The following CALN1 variants were observed in gnomAD, a reference collection of about 807,000 sequenced individuals.
CALN1 encodes the protein calneuron 1.
Under a neutral mutation model 30.6 loss-of-function variants are expected in CALN1, and 17 were observed. The ratio of observed to expected loss-of-function variants is 0.56; its 90% confidence interval spans 0.38 to 0.83. The LOEUF (loss-of-function observed/expected upper bound fraction) is 0.83, where lower values mean the gene tolerates loss of function less well. CALN1 is among the 40% of genes least tolerant of loss of function. The pLI is 0.00. For synonymous variants in CALN1, 156 were observed against 131.4 expected, an observed-to-expected ratio of 1.19 and a Z score of -1.28; for missense variants, 291 against 354.9, an observed-to-expected ratio of 0.82 and a Z score of 1.45.
intron 2 of CALN1, among the ~76,000 whole-genome samples, chr7:72,304,668 A>T (rs1799527694): frequency 6.6e-6 from 1 of 152,124 alleles, no homozygotes; most frequent in Non-Finnish European, 1.5e-5. Context: ...TTCTTATATT[A>T]CTTTCATTAG....
intron 5 of CALN1, among the ~76,000 whole-genome samples, chr7:71,986,080 G>GCT (rs1798658768): frequency 6.7e-6 from 1 of 150,338 alleles, no homozygotes; most frequent in Non-Finnish European, 1.5e-5. Context: ...ACAGAGTCTT[G>GCT]CTCTGCACCT....
chr7:71,787,549 C>A lies in CALN1; in HGVS notation c.*226G>T, dbSNP rs377124333. ...CCTGGCGATTTATTGCATTAGAAAA[C>A]AAAACCATTAAAGCACTGAAGACAG... On this transcript the variant is annotated 3_prime_UTR_variant, in exon 7 of 7. Coordinates refer to ENST00000395275, the MANE Select transcript of CALN1 (RefSeq NM_031468.4). 1.8e-4 allele frequency: 87 copies of A among 474,104 alleles called. No homozygotes were observed. In the East Asian group the frequency reaches 2.1e-3, roughly 11 times the overall value. The allele number at this position is 474,104 out of a possible 1,614,324, so 29.4% of individuals were successfully genotyped here.
At chr7:72,271,940 T>C (rs866421294) in intron 3 of CALN1, among the ~76,000 whole-genome samples, 1 of 151,160 alleles carries the variant, frequency 6.6e-6, no homozygotes. Flanking sequence ...TGGGCACCTG[T>C]AATCCCAGCT....
At chr7:72,193,784 A>C (rs551228192) in intron 3 of CALN1, among the ~76,000 whole-genome samples, 4 of 152,354 alleles carry the variant, frequency 2.6e-5, no homozygotes, top group Admixed American at 2.6e-4. Context: ...CAGCCATAAA[A>C]AGGAACAAAA....
intron 4 of CALN1, among the ~76,000 whole-genome samples, chr7:72,071,933 A>C (rs1241863784): frequency 6.6e-6 from 1 of 152,222 alleles, no homozygotes; most frequent in Admixed American, 6.5e-5. Flanking sequence ...GAAGGAAAAA[A>C]AGATCAGTGA....
At chr7:72,104,768 C>A (rs1806958209) in intron 4 of CALN1, among the ~76,000 whole-genome samples, 1 of 152,012 alleles carries the variant, frequency 6.6e-6, no homozygotes, top group South Asian at 2.1e-4. Context: ...ACCATCCTGG[C>A]CAACATGGCG....
At chr7:72,411,690 T>C (rs1168256922) in intron 1 of CALN1, among the ~76,000 whole-genome samples, 2 of 152,146 alleles carry the variant, frequency 1.3e-5, no homozygotes, top group Non-Finnish European at 2.9e-5. Flanking sequence ...TGATGCCAAA[T>C]GACAGAGAAA....
intron 3 of CALN1, among the ~76,000 whole-genome samples, chr7:72,207,650 T>C (rs965010724): frequency 6.6e-5 from 10 of 152,102 alleles, no homozygotes; most frequent in South Asian, 2.1e-4. Context: ...CTGCCAAAAA[T>C]ATAAGCCTTG....
intron 4 of CALN1, among the ~76,000 whole-genome samples, chr7:72,054,457 A>ATATG: frequency 8.4e-6 from 1 of 118,818 alleles, no homozygotes; most frequent in South Asian, 2.6e-4. Flanking sequence ...ACATATATAT[A>ATATG]CATATATATA....
intron 2 of CALN1, among the ~76,000 whole-genome samples, chr7:72,354,355 G>A (rs556191056): frequency 1.3e-5 from 2 of 152,170 alleles, no homozygotes; most frequent in Non-Finnish European, 2.9e-5. Flanking sequence ...TTAGAGGTTT[G>A]ATAATTTTAA....
chr7:72,393,215 C>A (rs1448787214), intron 2 of CALN1, among the ~76,000 whole-genome samples: 1 of 152,144 alleles, frequency 6.6e-6, no homozygotes, highest in Non-Finnish European at 1.5e-5. Flanking sequence ...CACCTGTAAT[C>A]CCAGCACATT....
At chr7:72,371,866 T>G (rs1267609019) in intron 2 of CALN1, among the ~76,000 whole-genome samples, 1 of 152,168 alleles carries the variant, frequency 6.6e-6, no homozygotes, top group Non-Finnish European at 1.5e-5. Flanking sequence ...GCTCTCCCCA[T>G]GAATGCAGTG....
intron 2 of CALN1, among the ~76,000 whole-genome samples, chr7:72,304,402 G>A (rs1035527168): frequency 6.6e-6 from 1 of 152,120 alleles, no homozygotes; most frequent in African/African-American, 2.4e-5. Flanking sequence ...CAAGGTGTTC[G>A]GGGGCCAGGA....
rs149811901 is a variant in CALN1, at chr7:72,206,537, C to A, written c.244+72149G>T. Reference sequence around the variant, plus strand: ...TTTTCATCTTAGTCAGTGCCTTATCCTACAAGCTTATCTTTTTTTGTATTT... The same window carrying A: ...TTTTCATCTTAGTCAGTGCCTTATCATACAAGCTTATCTTTTTTTGTATTT... On this transcript the variant is annotated intron_variant, in intron 3 of 6. Transcript: ENST00000395275. Among the ~76,000 whole-genome samples, 359 of 152,240 alleles carry A rather than the reference C, an allele frequency of 2.4e-3. 1 individual carries two copies. Among genetic ancestry groups the A allele is most frequent in the Admixed American group, 3.9e-3 (59 of 15,288 alleles).
chr7:72,502,179 A>G, the CALN1 span, among the ~76,000 whole-genome samples: 1 of 149,402 alleles, frequency 6.7e-6, no homozygotes, highest in Non-Finnish European at 1.5e-5. Context: ...AAGAAACCTT[A>G]AAACCTTAGG....
chr7:72,272,343 C>G (rs1229924469), intron 3 of CALN1, among the ~76,000 whole-genome samples: 1 of 152,114 alleles, frequency 6.6e-6, no homozygotes, highest in Non-Finnish European at 1.5e-5. Flanking sequence ...AGGTGGACCA[C>G]CTGAGGTCAG....
chr7:72,035,398 A>C, intron 4 of CALN1, among the ~76,000 whole-genome samples: 1 of 86,476 alleles, frequency 1.2e-5, no homozygotes, highest in Non-Finnish European at 2.3e-5. Context: ...TCATGCATAA[A>C]GTCCCTCAAG....
intron 2 of CALN1, among the ~76,000 whole-genome samples, chr7:72,382,233 G>A (rs568718613): frequency 1.3e-5 from 2 of 152,264 alleles, no homozygotes; most frequent in African/African-American, 4.8e-5. Flanking sequence ...AGGGAGATTA[G>A]CAATAGGAAT....
chr7:72,119,445 T>C (rs148593475), intron 3 of CALN1, among the ~76,000 whole-genome samples: 50 of 151,990 alleles, frequency 3.3e-4, no homozygotes, highest in African/African-American at 9.7e-4. Flanking sequence ...CCATAACACA[T>C]TGGAATTCAA....
Sources: gnomAD v4.1 joint callset for allele counts (sites outside exome capture counted in the v4.1 genomes callset) on GRCh38, gnomAD v4.1.1 for gene constraint, MANE v1.5 for transcripts, NCBI Gene and HGNC (gene_info 2026-07-23, HGNC 2026-07-21) for gene names.